The following KIF4A variants were observed in gnomAD, a reference collection of about 807,000 sequenced individuals.
KIF4A encodes kinesin family member 4A, also known as chromosome-associated kinesin KIF4A.
Under a neutral mutation model 105.9 loss-of-function variants are expected in KIF4A, and 7 were observed. The observed-to-expected ratio is 0.07, with a 90% CI of 0.04 to 0.12. KIF4A has a LOEUF of 0.12. Ranked by LOEUF, KIF4A falls within the 10% of genes least tolerant of loss-of-function variation. The pLI is 1.00. For synonymous variants in KIF4A, 281 were observed against 331.3 expected (o/e 0.85, Z 1.65); for missense variants, 558 against 929.2 (o/e 0.60, Z 5.19).
In KIF4A at chrX:70,370,793, A is replaced by C. The variant is rs374439340; in HGVS notation, c.1675-3358A>C. 4.0e-3 allele frequency among the ~76,000 whole-genome samples: 434 copies of C among 109,115 alleles called. 2 individuals are homozygous for C. The highest frequency in any genetic ancestry group is 0.013 in the African/African-American group (405 of 30,057). 94.8% of individuals were successfully genotyped at this position (109,115 alleles called of 115,157 possible). ...TCTACTAAAAATACAAAAATTAGCC[A>C]AGTGTGGTGGCAGGTGCCTGTAATC... On this transcript the variant is annotated intron_variant, in intron 15 of 30. Coordinates refer to ENST00000374403, the MANE Select transcript of KIF4A (RefSeq NM_012310.5).
In KIF4A at chrX:70,299,108, A is replaced by G. The variant is rs1327110924; in HGVS notation, c.427-5A>G. ...TTTTTGCCACTTTATTTTCAACAATATCAGATTTACAATGAAGAAATTTTG... is the reference window on the plus strand; with the variant it reads ...TTTTTGCCACTTTATTTTCAACAATGTCAGATTTACAATGAAGAAATTTTG... On this transcript the variant is annotated splice_region_variant and splice_polypyrimidine_tract_variant and intron_variant, in intron 4 of 30. Coordinates refer to ENST00000374403, the MANE Select transcript of KIF4A (RefSeq NM_012310.5). The G allele has an allele frequency of 8.4e-7, 1 of 1,197,090 alleles. No individual in the cohort carries two copies. Among genetic ancestry groups the G allele is most frequent in the Admixed American group, 2.2e-5 (1 of 45,191 alleles).
intron 5 of KIF4A, 98 bp downstream of exon 5, chrX:70,299,300 A>G (rs1479272647): frequency 4.7e-6 from 3 of 633,836 alleles, no homozygotes; most frequent in Admixed American, 3.5e-5. Flanking sequence ...TTAAATGACT[A>G]CTATCATCTC....
intron 7 of KIF4A, among the ~76,000 whole-genome samples, chrX:70,319,945 C>T (rs1328570178): frequency 1.8e-5 from 2 of 111,556 alleles, no homozygotes; most frequent in Non-Finnish European, 3.8e-5. Context: ...ATCTTAATTA[C>T]CAGAACTAAT....
Position 70,290,267 on chromosome X carries a change from A to G in KIF4A, c.-22+117A>G, listed in dbSNP as rs878896486. 6 of 471,751 alleles carry G rather than the reference A, an allele frequency of 1.3e-5. No individual in the cohort carries two copies. In the South Asian group the frequency reaches 2.3e-4, roughly 18 times the overall value. 38.9% of individuals were successfully genotyped at this position (471,751 alleles called of 1,213,427 possible). A position where few individuals can be genotyped will look rare whatever the true frequency, so the allele number is the denominator to read the frequency against. On this transcript the variant is annotated intron_variant, in intron 1 of 30. Coordinates refer to ENST00000374403, the MANE Select transcript of KIF4A (RefSeq NM_012310.5). ...TTCTTTGCCTTTCAGAAGCCCGTGC[A>G]CTCTCTTTAGAGTGCAGGGCTGACG...
chrX:70,397,481 T>G (rs2086264608), intron 22 of KIF4A, among the ~76,000 whole-genome samples: 1 of 111,977 alleles, frequency 8.9e-6, no homozygotes, highest in South Asian at 3.8e-4. Context: ...AGGCCGCACT[T>G]TCTCAGGACC....
At chrX:70,377,488 G>A (rs1670086526) in intron 18 of KIF4A, among the ~76,000 whole-genome samples, 2 of 112,153 alleles carry the variant, frequency 1.8e-5, no homozygotes, top group Admixed American at 1.9e-4. Context: ...TGGTCTATAA[G>A]TTTATGTAAT....
intron 29 of KIF4A, 146 bp from the exon 30 acceptor site, chrX:70,419,515 A>T: frequency 1.5e-6 from 1 of 653,000 alleles, no homozygotes; most frequent in East Asian, 3.4e-5. Context: ...AAACACTATG[A>T]CCTCCCCAAG....
intron 9 of KIF4A, 78 bp from the exon 10 acceptor site, chrX:70,333,550 A>T: frequency 2.9e-6 from 2 of 679,351 alleles, no homozygotes; most frequent in Middle Eastern, 6.0e-4. Context: ...TTTATTGCTA[A>T]TTGTGGTAAT....
chrX:70,390,175 C>A (rs1954848139), intron 20 of KIF4A, among the ~76,000 whole-genome samples: 1 of 111,703 alleles, frequency 9.0e-6, no homozygotes, highest in Non-Finnish European at 1.9e-5. Context: ...TGTTGGTTCT[C>A]AAAGCTTTTT....
chrX:70,322,880 C>T (rs907772540), intron 7 of KIF4A, among the ~76,000 whole-genome samples: 1 of 109,605 alleles, frequency 9.1e-6, no homozygotes, highest in Non-Finnish European at 1.9e-5. Flanking sequence ...GTCTCCCTGT[C>T]TTCAGTTAGG....
At chrX:70,374,671 C>A (rs956215277) in intron 16 of KIF4A, among the ~76,000 whole-genome samples, 10 of 111,489 alleles carry the variant, frequency 9.0e-5, no homozygotes, top group Non-Finnish European at 1.3e-4. Context: ...GAATTAATGT[C>A]CAGGCTAGTG....
At chrX:70,323,687 A>C (rs1243976513) in intron 7 of KIF4A, among the ~76,000 whole-genome samples, 4 of 111,176 alleles carry the variant, frequency 3.6e-5, no homozygotes, top group Non-Finnish European at 7.5e-5. Context: ...CTTTATCACA[A>C]ATCTGTCCAT....
At position 70,310,971 on chromosome X, in the gene KIF4A, A is replaced by G. The variant is rs188254032; in HGVS notation, c.778+8573A>G. Among the ~76,000 whole-genome samples, 1,007 of 109,376 alleles carry G rather than the reference A, an allele frequency of 9.2e-3. 6 individuals carry two copies. The highest frequency in any genetic ancestry group is 0.014 in the Non-Finnish European group (718 of 52,519). 95.0% of individuals were successfully genotyped at this position (109,376 alleles called of 115,157 possible). A position where few individuals can be genotyped will look rare whatever the true frequency, so the allele number is the denominator to read the frequency against. ...TAAGATCACTGTCTCTACAAAAAAT[A>G]AAAAATTAGCCAGGCATGGTGGCAC... On this transcript the variant is annotated intron_variant, in intron 7 of 30. Transcript: ENST00000374403.
chrX:70,312,784 A>T (rs902635755), intron 7 of KIF4A, among the ~76,000 whole-genome samples: 3 of 111,937 alleles, frequency 2.7e-5, no homozygotes, highest in Non-Finnish European at 5.6e-5. Context: ...ATCTAATCTT[A>T]TAATTTTGAG....
intron 22 of KIF4A, among the ~76,000 whole-genome samples, chrX:70,398,597 T>A (rs2086269138): frequency 8.9e-6 from 1 of 112,146 alleles, no homozygotes; most frequent in African/African-American, 3.2e-5. Flanking sequence ...CCAGAAGCCT[T>A]CCCTGACTTT....
At chrX:70,295,693 G>A (rs1429409693) in intron 3 of KIF4A, among the ~76,000 whole-genome samples, 3 of 108,989 alleles carry the variant, frequency 2.8e-5, no homozygotes, top group African/African-American at 1.0e-4. Context: ...CAAGATGGGC[G>A]GATCACAAGG....
At chrX:70,400,089 G>A (rs2086275172) in intron 22 of KIF4A, among the ~76,000 whole-genome samples, 1 of 101,778 alleles carries the variant, frequency 9.8e-6, no homozygotes, top group African/African-American at 3.6e-5. Context: ...AGTTACATAT[G>A]TATACATGTG....
intron 7 of KIF4A, among the ~76,000 whole-genome samples, chrX:70,308,122 C>A (rs946199359): frequency 1.8e-5 from 2 of 111,754 alleles, no homozygotes; most frequent in African/African-American, 6.5e-5. Flanking sequence ...CTTTCTAGAC[C>A]TTCAGAAATA....
intron 25 of KIF4A, among the ~76,000 whole-genome samples, chrX:70,405,222 ATTTC>A (rs1438766475): frequency 3.6e-5 from 4 of 111,503 alleles, no homozygotes; most frequent in Non-Finnish European, 1.9e-5. Context: ...TGGGGTCTGA[ATTTC>A]TTCCAGAGGC....
Sources: allele counts gnomAD v4.1 joint callset (sites outside exome capture counted in the v4.1 genomes callset), GRCh38; gene constraint gnomAD v4.1.1; transcripts MANE v1.5; gene names NCBI Gene and HGNC (gene_info 2026-07-23, HGNC 2026-07-21).